Variants in CIMAP1D observed in about 807,000 individuals in gnomAD.
CIMAP1D encodes CIMAP1 family member D.
At chr19:467,765 G>C in the CIMAP1D span, 2 of 1,569,360 alleles carry the variant, frequency 1.3e-6, no homozygotes, top group African/African-American at 1.4e-5. Context: ...AGGTGGTGCT[G>C]GGGAGAGGAG....
chr19:466,946 G>A, the CIMAP1D span, among the ~76,000 whole-genome samples: 542 of 54,590 alleles, frequency 9.9e-3, 3 homozygotes, highest in African/African-American at 0.026. Context: ...GGGTGGATGG[G>A]CGGGTGGATA....
chr19:467,356 G>C, the CIMAP1D span, among the ~76,000 whole-genome samples: 2 of 151,886 alleles, frequency 1.3e-5, no homozygotes, highest in African/African-American at 4.8e-5. Flanking sequence ...GGATACTGCC[G>C]ATTTGCCACA....
the CIMAP1D span, chr19:472,552 A>G: frequency 7.5e-7 from 1 of 1,335,422 alleles, no homozygotes; most frequent in Non-Finnish European, 1.0e-6. Flanking sequence ...TCCCCGAAGA[A>G]GGAGCCCTGG....
the CIMAP1D span, among the ~76,000 whole-genome samples, chr19:485,966 T>A: frequency 6.6e-6 from 1 of 152,196 alleles, no homozygotes; most frequent in African/African-American, 2.4e-5. Context: ...GCCCTGCTGC[T>A]GCCCGCCCCT....
chr19:489,824 C>G, the CIMAP1D span: 3 of 377,638 alleles, frequency 7.9e-6, no homozygotes. Flanking sequence ...GGTTGGGTGG[C>G]GAATGGAGAG....
At chr19:483,508 G>A in the CIMAP1D span, among the ~76,000 whole-genome samples, 1 of 152,210 alleles carries the variant, frequency 6.6e-6, no homozygotes, top group Admixed American at 6.5e-5. Context: ...AGATCATGGT[G>A]GGCTGAAATC....
At chr19:475,002 T>C in the CIMAP1D span, 296,645 of 389,934 alleles carry the variant, frequency 0.76, 113,065 homozygotes, top group Non-Finnish European at 0.79. Flanking sequence ...GGCGGCTGGA[T>C]GGTCCAGGAA....
the CIMAP1D span, among the ~76,000 whole-genome samples, chr19:478,787 C>A: frequency 6.6e-6 from 1 of 152,272 alleles, no homozygotes; most frequent in Non-Finnish European, 1.5e-5. Context: ...AGGCGAGGGA[C>A]GTCACTGCCC....
the CIMAP1D span, among the ~76,000 whole-genome samples, chr19:486,775 G>A: frequency 5.3e-5 from 8 of 151,812 alleles, no homozygotes; most frequent in African/African-American, 1.5e-4. Context: ...TTAGCCAGGC[G>A]TGGTGGCAGG....
At chr19:467,595 C>T in the CIMAP1D span, 13,239 of 1,133,842 alleles carry the variant, frequency 0.012, 122 homozygotes, top group African/African-American at 0.022. Flanking sequence ...GCAGGAGAGT[C>T]GCTGAGACCC....
At chr19:472,345 G>A in the CIMAP1D span, 37 of 1,123,024 alleles carry the variant, frequency 3.3e-5, no homozygotes, top group Non-Finnish European at 3.9e-5. Context: ...CTCCTGGGGG[G>A]AGATTGGAGG....
the CIMAP1D span, chr19:489,436 C>T: frequency 6.8e-6 from 1 of 147,680 alleles, no homozygotes; most frequent in African/African-American, 2.6e-5. Flanking sequence ...GACCCGCCCT[C>T]GCAGCCCATG....
At chr19:472,664 A>G in the CIMAP1D span, 1 of 527,378 alleles carries the variant, frequency 1.9e-6, no homozygotes. Context: ...ACAAAATGTG[A>G]TGCCTGCATT....
the CIMAP1D span, among the ~76,000 whole-genome samples, chr19:483,601 T>G: frequency 6.6e-6 from 1 of 152,182 alleles, no homozygotes; most frequent in Non-Finnish European, 1.5e-5. Flanking sequence ...TCGTCACGAC[T>G]GGGGGAGCTC....
At chr19:481,500 G>A in the CIMAP1D span, among the ~76,000 whole-genome samples, 1 of 140,220 alleles carries the variant, frequency 7.1e-6, no homozygotes, top group Non-Finnish European at 1.6e-5. Flanking sequence ...AAGGATGATG[G>A]GAAGGATGAT....
At chr19:465,079 AAGGATGGATAGGTGGATGGG>A in the CIMAP1D span, among the ~76,000 whole-genome samples, 2 of 135,362 alleles carry the variant, frequency 1.5e-5, no homozygotes, top group African/African-American at 2.8e-5. Flanking sequence ...GGGTGGGTGG[AAGGATGGATAGGTGGATGGG>A]TGAGTGGGTG....
the CIMAP1D span, among the ~76,000 whole-genome samples, chr19:474,346 C>T: frequency 6.6e-6 from 1 of 152,224 alleles, no homozygotes; most frequent in African/African-American, 2.4e-5. Context: ...CCCGCATGAT[C>T]GCTGTGGCTT....
the CIMAP1D span, among the ~76,000 whole-genome samples, chr19:487,861 C>A: frequency 6.6e-6 from 1 of 152,218 alleles, no homozygotes; most frequent in East Asian, 1.9e-4. Flanking sequence ...CAGCCCGGCG[C>A]TGTGCCCTGG....
At chr19:490,362 AAAAG>A in the CIMAP1D span, 7,045 of 192,112 alleles carry the variant, frequency 0.037, 318 homozygotes, top group East Asian at 0.21. Flanking sequence ...AGCTAAAAAA[AAAAG>A]AAAGAAAGAA....
Sources: gnomAD v4.1 joint callset for allele counts (sites outside exome capture counted in the v4.1 genomes callset) on GRCh38, gnomAD v4.1.1 for gene constraint, MANE v1.5 for transcripts, NCBI Gene and HGNC (gene_info 2026-07-23, HGNC 2026-07-21) for gene names.